RBFOX1: variants seen among roughly 807,000 people sequenced by gnomAD.
The protein encoded by RBFOX1 is RNA binding fox-1 homolog 1.
RBFOX1 carries 8 observed loss-of-function variants against 57.7 expected under a neutral mutation model. The ratio of observed to expected loss-of-function variants is 0.14; its 90% CI spans 0.08 to 0.25. The LOEUF is 0.25. Ranked by LOEUF, RBFOX1 falls within the 10% of genes least tolerant of loss-of-function variation. The probability of loss-of-function intolerance (pLI) is 1.00; values close to 1 mark genes in which losing one functional copy is unlikely to be tolerated. For synonymous variants in RBFOX1, 326 were observed against 222.4 expected (o/e 1.47, Z -4.15); for missense variants, 611 against 548.5 (o/e 1.11, Z -1.14).
At chr16:6,801,419 T>C (rs1194068019) in intron 3 of RBFOX1, among the ~76,000 whole-genome samples, 2 of 152,160 alleles carry the variant, frequency 1.3e-5, no homozygotes, top group Admixed American at 1.3e-4. Context: ...ACTGCTCAGC[T>C]GAAGATAAAT....
chr16:7,480,024 G>A lies in RBFOX1; in HGVS notation c.28-38123G>A, dbSNP rs952775526. On this transcript the variant is annotated intron_variant, in intron 4 of 15. Transcript: ENST00000550418. ...CAGTTCCAGCCTGATGTTCCCCACC[G>A]ATGTCCATGTGCTGACTCAGTAAAC... Among the ~76,000 whole-genome samples the A allele has an allele frequency of 3.9e-5, 6 of 152,252 alleles. No homozygotes were observed. In the East Asian group the frequency reaches 5.8e-4, roughly 15 times the overall value.
chr16:7,034,841 C>CTTTTTCTTTTTTTT (rs1424741274), intron 3 of RBFOX1, among the ~76,000 whole-genome samples: 5 of 39,160 alleles, frequency 1.3e-4, no homozygotes, highest in African/African-American at 4.8e-4. Flanking sequence ...TTTTTTTTTT[C>CTTTTTCTTTTTTTT]TTTTTTCTTT....
chr16:7,689,785 A>T (rs1167565047), intron 14 of RBFOX1, among the ~76,000 whole-genome samples: 1 of 152,126 alleles, frequency 6.6e-6, no homozygotes, highest in East Asian at 1.9e-4. Context: ...TAAGAGGAAC[A>T]GGTAAGGAAG....
At chr16:6,792,726 A>C (rs2083205943) in intron 3 of RBFOX1, among the ~76,000 whole-genome samples, 1 of 152,008 alleles carries the variant, frequency 6.6e-6, no homozygotes, top group African/African-American at 2.4e-5. Flanking sequence ...ATTGTTCTTG[A>C]AGGGGATATA....
intron 1 of RBFOX1, among the ~76,000 whole-genome samples, chr16:5,303,552 C>T (rs566237883): frequency 1.1e-4 from 17 of 152,054 alleles, no homozygotes; most frequent in Non-Finnish European, 1.2e-4. Context: ...GTCACAGATG[C>T]CAGTGTTTTA....
chr16:5,264,489 C>T (rs2062811501), intron 1 of RBFOX1, among the ~76,000 whole-genome samples: 1 of 152,162 alleles, frequency 6.6e-6, no homozygotes, highest in African/African-American at 2.4e-5. Flanking sequence ...GAAAATGTCA[C>T]AGAAATCTGC....
In RBFOX1 at chr16:7,595,529, C is replaced by T. The variant is rs1257080536; in HGVS notation, c.469-20C>T. 1.3e-6 allele frequency: 2 copies of T among 1,530,534 alleles called. No individual in the cohort carries two copies. The highest frequency in any genetic ancestry group is 1.8e-6 in the Non-Finnish European group (2 of 1,129,728). The allele number at this position is 1,530,534 out of a possible 1,614,324, so 94.8% of individuals were successfully genotyped here. A position where few individuals can be genotyped will look rare whatever the true frequency, so the allele number is the denominator to read the frequency against. ...AATAATAATCTGCATGTTGTTTTCC[C>T]TTCTCCCTCCTGCATGCAGGGATTT... On this transcript the variant is annotated intron_variant, in intron 7 of 15. Transcript: ENST00000550418.
intron 11 of RBFOX1, among the ~76,000 whole-genome samples, chr16:7,632,138 A>C (rs1246819087): frequency 1.3e-5 from 2 of 152,062 alleles, no homozygotes; most frequent in Non-Finnish European, 2.9e-5. Context: ...CAAAGTCCTG[A>C]CCTCAGATGA....
chr16:5,970,335 A>G lies in RBFOX1; in HGVS notation c.351+103000A>G, dbSNP rs761472477. The stretch of plus-strand genomic sequence containing the variant: ...GAGACTATATGGCCATCATTCTTCC[A>G]GAATTCTAAATATTAAACACGTGTT... On this transcript the variant is annotated intron_variant, in intron 4 of 19. Coordinates refer to the RBFOX1 transcript ENST00000641259. 2.6e-5 allele frequency among the ~76,000 whole-genome samples: 4 copies of G among 152,044 alleles called. No individual in the cohort carries two copies. The South Asian group carries it at 6.2e-4, about 24-fold the overall frequency.
chr16:7,046,961 A>G (rs892313560), intron 3 of RBFOX1, among the ~76,000 whole-genome samples: 8 of 151,294 alleles, frequency 5.3e-5, no homozygotes, highest in African/African-American at 1.2e-4. Flanking sequence ...CTCTTCATGC[A>G]CTTCCCTCCC....
intron 3 of RBFOX1, among the ~76,000 whole-genome samples, chr16:6,894,293 G>C (rs967160877): frequency 5.9e-5 from 9 of 152,164 alleles, no homozygotes; most frequent in African/African-American, 2.2e-4. Context: ...ATTTCCAAGG[G>C]GTGGTCTGTT....
intron 3 of RBFOX1, among the ~76,000 whole-genome samples, chr16:6,940,516 A>T (rs9936119): frequency 6.6e-6 from 1 of 152,020 alleles, no homozygotes; most frequent in Non-Finnish European, 1.5e-5. Context: ...ATAATTCTCT[A>T]TACTTTGAAT....
intron 1 of RBFOX1, among the ~76,000 whole-genome samples, chr16:6,292,954 T>C (rs1312814153): frequency 6.6e-6 from 1 of 152,210 alleles, no homozygotes; most frequent in Non-Finnish European, 1.5e-5. Flanking sequence ...CACAGTGATA[T>C]ACCGTAGGCT....
At chr16:5,733,307 G>C (rs370466581) in intron 3 of RBFOX1, among the ~76,000 whole-genome samples, 8 of 152,252 alleles carry the variant, frequency 5.3e-5, no homozygotes, top group African/African-American at 1.9e-4. Flanking sequence ...CCTCGTAAAC[G>C]CTAGGCTGTG....
At chr16:6,364,970 A>G (rs2089300716) in intron 2 of RBFOX1, among the ~76,000 whole-genome samples, 1 of 152,126 alleles carries the variant, frequency 6.6e-6, no homozygotes, top group African/African-American at 2.4e-5. Context: ...GATAAGAAAT[A>G]TCAATATGGG....
chr16:7,014,489 C>T (rs997456656), intron 3 of RBFOX1, among the ~76,000 whole-genome samples: 1 of 151,730 alleles, frequency 6.6e-6, no homozygotes, highest in African/African-American at 2.4e-5. Context: ...TCAGGTGATC[C>T]ACTCTCCTCC....
intron 4 of RBFOX1, among the ~76,000 whole-genome samples, chr16:7,466,875 G>A (rs989933866): frequency 1.5e-4 from 23 of 152,212 alleles, no homozygotes; most frequent in African/African-American, 5.1e-4. Flanking sequence ...AGACCAAAAT[G>A]GTAGAATGAC....
intron 4 of RBFOX1, among the ~76,000 whole-genome samples, chr16:7,282,010 C>T (rs775223006): frequency 6.6e-5 from 10 of 151,766 alleles, no homozygotes; most frequent in Non-Finnish European, 1.5e-4. Context: ...GGACCACAGG[C>T]GCGTGCCATC....
intron 11 of RBFOX1, among the ~76,000 whole-genome samples, chr16:7,650,123 A>C (rs1044097678): frequency 1.3e-5 from 2 of 152,092 alleles, no homozygotes; most frequent in African/African-American, 4.8e-5. Context: ...GAAGGAAGGA[A>C]GGAATGTAAG....
Sources: gnomAD v4.1 joint callset for allele counts (sites outside exome capture counted in the v4.1 genomes callset) on GRCh38, gnomAD v4.1.1 for gene constraint, MANE v1.5 for transcripts, NCBI Gene and HGNC (gene_info 2026-07-23, HGNC 2026-07-21) for gene names.